SMARCA1: variants seen among roughly 807,000 people sequenced by gnomAD.
SMARCA1 encodes SWI/SNF-related matrix-associated actin-dependent regulator of chromatin subfamily A member 1.
Under a neutral mutation model 93.6 loss-of-function variants are expected in SMARCA1, and 17 were observed. The observed-to-expected ratio is 0.18, with a 90% CI of 0.12 to 0.27. The LOEUF is 0.27. SMARCA1 is among the 10% of genes least tolerant of loss of function. The pLI is 1.00. For synonymous variants in SMARCA1, 271 were observed against 271.4 expected, an observed-to-expected ratio of 1.00 and a Z score of 0.01; for missense variants, 630 against 819.0, an observed-to-expected ratio of 0.77 and a Z score of 2.82.
At chrX:129,517,542 G>A (rs1043906470) in intron 2 of SMARCA1, among the ~76,000 whole-genome samples, 5 of 111,099 alleles carry the variant, frequency 4.5e-5, no homozygotes, top group African/African-American at 1.6e-4. Flanking sequence ...TCACTGGAAT[G>A]TTATTTTTAG....
chrX:129,504,505 A>T (rs1934697913), intron 9 of SMARCA1, among the ~76,000 whole-genome samples: 1 of 99,194 alleles, frequency 1.0e-5, no homozygotes, highest in Non-Finnish European at 2.0e-5. Flanking sequence ...GGGAGAGCCA[A>T]AGGAAAAAAG....
At chrX:129,481,015 A>C in intron 18 of SMARCA1, 60 bp downstream of exon 18, 1 of 733,099 alleles carries the variant, frequency 1.4e-6, no homozygotes, top group South Asian at 2.4e-5. Flanking sequence ...TCTGACCCAT[A>C]GATCATGTTG....
intron 12 of SMARCA1, among the ~76,000 whole-genome samples, chrX:129,493,808 G>A (rs1424495335): frequency 8.9e-6 from 1 of 112,025 alleles, no homozygotes; most frequent in Non-Finnish European, 1.9e-5. Context: ...AAGTGAGGAG[G>A]CCAATTAAGC....
chrX:129,504,567 A>AC (rs1569446136), intron 9 of SMARCA1, among the ~76,000 whole-genome samples, 167 bp downstream of exon 9: 2 of 98,407 alleles, frequency 2.0e-5, no homozygotes, highest in African/African-American at 8.3e-5. Flanking sequence ...AAAAAAAAAA[A>AC]AAAAAAAAAA....
chrX:129,490,018 G>A, intron 15 of SMARCA1, 42 bp downstream of exon 15: 1 of 1,034,807 alleles, frequency 9.7e-7, no homozygotes, highest in Admixed American at 2.6e-5. Context: ...AACTACATGT[G>A]TTTTACAAAA....
At chrX:129,464,872 C>T (rs1256480234) in intron 23 of SMARCA1, among the ~76,000 whole-genome samples, 2 of 111,875 alleles carry the variant, frequency 1.8e-5, no homozygotes, top group African/African-American at 6.5e-5. Flanking sequence ...TTGCCAAATA[C>T]GTTGAACCTG....
chrX:129,513,837 C>G (rs1033859246), intron 5 of SMARCA1, among the ~76,000 whole-genome samples: 7 of 111,215 alleles, frequency 6.3e-5, no homozygotes, highest in Non-Finnish European at 1.3e-4. Context: ...AGTTGCTCAA[C>G]CAGGGATGAG....
chrX:129,450,780 C>A (rs993307776), intron 23 of SMARCA1, among the ~76,000 whole-genome samples: 1 of 111,165 alleles, frequency 9.0e-6, no homozygotes, highest in African/African-American at 3.3e-5. Context: ...TTTTATTTTT[C>A]TCTTGATACT....
intron 8 of SMARCA1, 54 bp from the exon 9 acceptor site, chrX:129,504,856 G>T: frequency 2.7e-6 from 2 of 742,110 alleles, no homozygotes; most frequent in Non-Finnish European, 4.2e-6. Context: ...AAATATACCC[G>T]ATATTCTGTA....
At position 129,520,795 on chromosome X, in the gene SMARCA1, A is replaced by G. The variant is rs113570539; in HGVS notation, c.175-2348T>C. Reference sequence around the variant, plus strand: ...CACCTATAATCTTTATCATAAACTAACATATTATTTCTGGTGAAACTAGAG... The same window carrying G: ...CACCTATAATCTTTATCATAAACTAGCATATTATTTCTGGTGAAACTAGAG... On this transcript the variant is annotated intron_variant, in intron 1 of 24. Transcript: ENST00000371121. Among the ~76,000 whole-genome samples, 998 of 112,752 alleles carry G rather than the reference A, an allele frequency of 8.9e-3. 6 individuals carry two copies. The highest frequency in any genetic ancestry group is 0.031 in the African/African-American group (949 of 31,048).
chrX:129,480,370 T>C (rs747542014), intron 19 of SMARCA1, among the ~76,000 whole-genome samples: 2 of 112,763 alleles, frequency 1.8e-5, no homozygotes, highest in South Asian at 7.3e-4. Context: ...TTTCCTATCA[T>C]ATATTAACAT....
intron 19 of SMARCA1, among the ~76,000 whole-genome samples, chrX:129,479,193 C>T (rs1933529594): frequency 8.9e-6 from 1 of 111,856 alleles, no homozygotes; most frequent in Non-Finnish European, 1.9e-5. Context: ...TCAAGTCTCA[C>T]TAACAACAGT....
intron 17 of SMARCA1, among the ~76,000 whole-genome samples, chrX:129,486,743 T>C (rs753609872): frequency 2.7e-5 from 3 of 110,677 alleles, no homozygotes; most frequent in Non-Finnish European, 5.7e-5. Context: ...CTACACTGCT[T>C]CTCAATAACA....
At chrX:129,482,464 G>A in intron 17 of SMARCA1, among the ~76,000 whole-genome samples, 1 of 111,653 alleles carries the variant, frequency 9.0e-6, no homozygotes, top group Non-Finnish European at 1.9e-5. Flanking sequence ...GGAAACACAG[G>A]TATGGCAGAG....
chrX:129,467,340 T>C (rs948424469), intron 21 of SMARCA1, among the ~76,000 whole-genome samples: 2 of 111,828 alleles, frequency 1.8e-5, no homozygotes, highest in African/African-American at 6.5e-5. Flanking sequence ...CATTTTTTTC[T>C]TGCAACTTCA....
chrX:129,451,849 G>A (rs371747105), intron 23 of SMARCA1, among the ~76,000 whole-genome samples: 60 of 109,989 alleles, frequency 5.5e-4, no homozygotes, highest in Non-Finnish European at 9.5e-4. Context: ...GACTACAGGC[G>A]CCCGCCACCA....
chrX:129,510,861 T>C (rs753273155), intron 6 of SMARCA1, among the ~76,000 whole-genome samples: 11 of 111,624 alleles, frequency 9.9e-5, no homozygotes, highest in Non-Finnish European at 1.9e-4. Context: ...TGGCCTGTAA[T>C]TGTAAACTTA....
chrX:129,492,281 ATACTG>A (rs1274867663), intron 13 of SMARCA1, among the ~76,000 whole-genome samples, 188 bp from the exon 14 acceptor site: 2 of 111,863 alleles, frequency 1.8e-5, no homozygotes, highest in Non-Finnish European at 3.8e-5. Context: ...ATCTATACAT[ATACTG>A]TACTGTGTGA....
chrX:129,472,356 CAT>C (rs761537710), intron 19 of SMARCA1, among the ~76,000 whole-genome samples: 4 of 111,225 alleles, frequency 3.6e-5, no homozygotes, highest in Non-Finnish European at 7.5e-5. Context: ...GAAATGCACA[CAT>C]GACTCATTCC....
Sources: gnomAD v4.1 joint callset for allele counts (sites outside exome capture counted in the v4.1 genomes callset) on GRCh38, gnomAD v4.1.1 for gene constraint, MANE v1.5 for transcripts, NCBI Gene and HGNC (gene_info 2026-07-23, HGNC 2026-07-21) for gene names.